AGBL4: variants seen among roughly 807,000 people sequenced by gnomAD.
The protein encoded by AGBL4 is cytosolic carboxypeptidase 6.
AGBL4 carries 58 observed loss-of-function variants against 66.4 expected under a neutral mutation model. The observed-to-expected ratio is 0.87, with a 90% CI of 0.71 to 1.09. AGBL4 has a LOEUF of 1.09. Among genes scored for constraint, AGBL4 ranks in the 50% least tolerant of loss-of-function variants. The pLI is 0.00. For missense variants in AGBL4, 579 were observed against 631.0 expected, an observed-to-expected ratio of 0.92 and a Z score of 0.88; for synonymous variants, 234 against 222.9, an observed-to-expected ratio of 1.05 and a Z score of -0.44.
At chr1:49,808,253 T>C (rs1302610219) in intron 2 of AGBL4, among the ~76,000 whole-genome samples, 1 of 152,212 alleles carries the variant, frequency 6.6e-6, no homozygotes, top group Non-Finnish European at 1.5e-5. Context: ...TATTTATTGA[T>C]TGTATATTAC....
intron 2 of AGBL4, among the ~76,000 whole-genome samples, chr1:49,773,441 G>C (rs1644115764): frequency 6.6e-6 from 1 of 152,116 alleles, no homozygotes; most frequent in Admixed American, 6.5e-5. Context: ...AGCTTTGGTA[G>C]CTTTTCCTGT....
intron 5 of AGBL4, among the ~76,000 whole-genome samples, chr1:48,947,525 C>G (rs1656615412): frequency 6.6e-6 from 1 of 152,186 alleles, no homozygotes. Flanking sequence ...GAGGCTAGTG[C>G]TTTCCAGCTG....
chr1:49,341,311 T>C (rs1298618855), intron 3 of AGBL4, among the ~76,000 whole-genome samples: 1 of 152,162 alleles, frequency 6.6e-6, no homozygotes, highest in African/African-American at 2.4e-5. Flanking sequence ...AAATTGTATG[T>C]GCAGTACCAG....
intron 3 of AGBL4, among the ~76,000 whole-genome samples, chr1:49,317,253 T>C (rs1263966186): frequency 2.0e-5 from 3 of 151,918 alleles, no homozygotes; most frequent in African/African-American, 7.2e-5. Flanking sequence ...AAAAGTATAA[T>C]GTAGTGTTTC....
At chr1:49,688,334 G>GT in intron 3 of AGBL4, among the ~76,000 whole-genome samples, 1 of 152,244 alleles carries the variant, frequency 6.6e-6, no homozygotes, top group African/African-American at 2.4e-5. Context: ...TGTAAAGTCT[G>GT]TTTTTCTGTG....
At chr1:48,712,864 G>A (rs1456058351) in intron 6 of AGBL4, among the ~76,000 whole-genome samples, 2 of 152,232 alleles carry the variant, frequency 1.3e-5, no homozygotes, top group Non-Finnish European at 2.9e-5. Context: ...TAAAACAGGA[G>A]TGCACATGAG....
intron 9 of AGBL4, among the ~76,000 whole-genome samples, chr1:48,592,258 C>T (rs189458746): frequency 1.7e-3 from 260 of 152,276 alleles, no homozygotes; most frequent in Middle Eastern, 6.8e-3. Context: ...ATCTAGCCAC[C>T]TCTCCATCCT....
At chr1:48,756,255 G>A (rs1643919387) in intron 6 of AGBL4, among the ~76,000 whole-genome samples, 1 of 152,190 alleles carries the variant, frequency 6.6e-6, no homozygotes, top group Admixed American at 6.5e-5. Flanking sequence ...TCAGGCTTCA[G>A]CCTAAAAGTT....
chr1:48,840,516 A>G (rs1185399765), intron 6 of AGBL4, among the ~76,000 whole-genome samples: 5 of 152,216 alleles, frequency 3.3e-5, no homozygotes, highest in African/African-American at 1.2e-4. Flanking sequence ...ATACATGAAA[A>G]GCTTTCACTT....
At chr1:49,789,417 T>C (rs986298250) in intron 2 of AGBL4, among the ~76,000 whole-genome samples, 2 of 152,192 alleles carry the variant, frequency 1.3e-5, no homozygotes, top group Non-Finnish European at 2.9e-5. Flanking sequence ...GATGACATGA[T>C]TGTATGTTTA....
intron 2 of AGBL4, among the ~76,000 whole-genome samples, chr1:49,712,139 A>G (rs1462005418): frequency 6.6e-6 from 1 of 151,994 alleles, no homozygotes; most frequent in Admixed American, 6.6e-5. Context: ...TGAACATGAA[A>G]TAATTGTTAA....
chr1:49,481,021 G>A (rs1328587627), intron 3 of AGBL4, among the ~76,000 whole-genome samples: 1 of 152,090 alleles, frequency 6.6e-6, no homozygotes, highest in African/African-American at 2.4e-5. Flanking sequence ...CCAGTACCAT[G>A]CTGTCTTGGT....
At chr1:48,975,604 A>G (rs944803115) in intron 5 of AGBL4, among the ~76,000 whole-genome samples, 1 of 152,108 alleles carries the variant, frequency 6.6e-6, no homozygotes, top group African/African-American at 2.4e-5. Context: ...CTCCTCATGA[A>G]CCAAGTATAA....
At chr1:48,715,244 C>T (rs946037252) in intron 6 of AGBL4, among the ~76,000 whole-genome samples, 4 of 152,134 alleles carry the variant, frequency 2.6e-5, no homozygotes, top group African/African-American at 4.8e-5. Context: ...GGGCCCAGCT[C>T]TCACCTGAGA....
chr1:49,955,050 AC>A (rs1185322287), intron 1 of AGBL4, among the ~76,000 whole-genome samples: 1 of 151,912 alleles, frequency 6.6e-6, no homozygotes, highest in African/African-American at 2.4e-5. Context: ...AAATATGTTT[AC>A]CCCTTCAAAA....
chr1:49,833,708 C>A (rs546600651), intron 2 of AGBL4, among the ~76,000 whole-genome samples: 10 of 152,168 alleles, frequency 6.6e-5, no homozygotes, highest in Non-Finnish European at 1.2e-4. Context: ...AGGTCCTTCA[C>A]GTCCGTTGTA....
intron 1 of AGBL4, among the ~76,000 whole-genome samples, chr1:49,901,426 T>G (rs1649758210): frequency 6.6e-6 from 1 of 152,108 alleles, no homozygotes; most frequent in Non-Finnish European, 1.5e-5. Flanking sequence ...AAATGAGGAA[T>G]GAAATCCCAC....
At chr1:49,478,201 A>G (rs1646883812) in intron 3 of AGBL4, among the ~76,000 whole-genome samples, 1 of 151,908 alleles carries the variant, frequency 6.6e-6, no homozygotes. Context: ...AAAGATAACA[A>G]TATCTAAGTA....
chr1:49,489,120 A>T (rs946529142), intron 3 of AGBL4, among the ~76,000 whole-genome samples: 3 of 151,646 alleles, frequency 2.0e-5, no homozygotes, highest in Admixed American at 2.0e-4. Flanking sequence ...GCTGTTCTCT[A>T]TAGTGTGTAC....
Sources: allele counts gnomAD v4.1 joint callset (sites outside exome capture counted in the v4.1 genomes callset), GRCh38; gene constraint gnomAD v4.1.1; transcripts MANE v1.5; gene names NCBI Gene and HGNC (gene_info 2026-07-23, HGNC 2026-07-21).